The following SLC8A1 variants were observed in gnomAD, a reference collection of about 807,000 sequenced individuals.
SLC8A1 encodes sodium/calcium exchanger 1.
Under a neutral mutation model 68.3 loss-of-function variants are expected in SLC8A1, and 18 were observed. That is an observed-to-expected ratio of 0.26 (90% CI 0.18 to 0.39). The LOEUF (loss-of-function observed/expected upper bound fraction) is 0.39. SLC8A1 is among the 10% of genes least tolerant of loss of function. The pLI, the probability that SLC8A1 is intolerant of heterozygous loss-of-function variation, is 1.00. For synonymous variants in SLC8A1, 475 were observed against 415.5 expected (o/e 1.14, Z -1.74); for missense variants, 985 against 1,156.7 (o/e 0.85, Z 2.15).
At chr2:40,367,255 T>C (rs1676527507) in intron 2 of SLC8A1, among the ~76,000 whole-genome samples, 1 of 152,032 alleles carries the variant, frequency 6.6e-6, no homozygotes, top group Non-Finnish European at 1.5e-5. Context: ...ATTTGTCTCC[T>C]AGACATCAAA....
exon 8 of SLC8A1, chr2:40,115,300 T>G: frequency 6.2e-7 from 1 of 1,613,566 alleles, no homozygotes; most frequent in Non-Finnish European, 8.5e-7. Context: ...GAGAAGAAAA[T>G]GTACAAGAGC....
At chr2:40,380,621 C>A (rs913435029) in intron 2 of SLC8A1, among the ~76,000 whole-genome samples, 1 of 152,030 alleles carries the variant, frequency 6.6e-6, no homozygotes, top group African/African-American at 2.4e-5. Flanking sequence ...ACTTCAACAT[C>A]CTAAAGCAAA....
chr2:40,115,420 A>G, exon 8 of SLC8A1: 1 of 1,614,122 alleles, frequency 6.2e-7, no homozygotes, highest in Non-Finnish European at 8.5e-7. Flanking sequence ...ACATTGATGA[A>G]AGCAAAAATG....
At chr2:40,297,544 A>C (rs1002290554) in intron 2 of SLC8A1, among the ~76,000 whole-genome samples, 2 of 152,210 alleles carry the variant, frequency 1.3e-5, no homozygotes, top group African/African-American at 4.8e-5. Context: ...GTACATCAAT[A>C]CATCTTGAGA....
rs2052635408 is a variant in SLC8A1 at position 40,194,773 on chromosome 2, T to A, written c.1809-16918A>T. ...TATGTCATATCCTAGGGCCAGGGCC[T>A]AGGACCACACAATGGGATGAGACAG... On this transcript the variant is annotated intron_variant, in intron 2 of 7. Transcript: ENST00000406785. 2.0e-5 allele frequency among the ~76,000 whole-genome samples: 3 copies of A among 151,800 alleles called. No homozygotes were observed. In the South Asian group the frequency reaches 6.2e-4, roughly 32 times the overall value.
At chr2:40,491,900 A>G (rs1234419517) in intron 1 of SLC8A1, among the ~76,000 whole-genome samples, 5 of 152,114 alleles carry the variant, frequency 3.3e-5, no homozygotes, top group Admixed American at 6.6e-5. Flanking sequence ...AATCAATATC[A>G]TGAAAATGGC....
chr2:40,253,945 A>G (rs2063439561), intron 2 of SLC8A1, among the ~76,000 whole-genome samples: 1 of 143,202 alleles, frequency 7.0e-6, no homozygotes, highest in Non-Finnish European at 1.5e-5. Context: ...AATAAGTTCC[A>G]GTGTTTGATA....
intron 2 of SLC8A1, among the ~76,000 whole-genome samples, chr2:40,379,236 A>C (rs1178935541): frequency 6.6e-6 from 1 of 152,136 alleles, no homozygotes; most frequent in Admixed American, 6.6e-5. Context: ...GTGCTTAATC[A>C]TTTGAATCTC....
chr2:40,431,662 C>T (rs1172039140), intron 1 of SLC8A1, among the ~76,000 whole-genome samples: 2 of 152,138 alleles, frequency 1.3e-5, no homozygotes, highest in East Asian at 1.9e-4. Context: ...TCAGATAAAG[C>T]AGCAATAGGA....
intron 2 of SLC8A1, among the ~76,000 whole-genome samples, chr2:40,399,968 A>G (rs1333670139): frequency 6.6e-6 from 1 of 152,202 alleles, no homozygotes; most frequent in Non-Finnish European, 1.5e-5. Context: ...CGGTTATTTT[A>G]CCTATAGATT....
intron 1 of SLC8A1, among the ~76,000 whole-genome samples, chr2:40,475,256 C>T (rs1384228529): frequency 6.6e-6 from 1 of 152,132 alleles, no homozygotes; most frequent in Admixed American, 6.5e-5. Flanking sequence ...GCCTCAGCCT[C>T]CCACGTAGCT....
intron 2 of SLC8A1, among the ~76,000 whole-genome samples, chr2:40,305,191 T>C (rs2072333664): frequency 6.6e-6 from 1 of 152,176 alleles, no homozygotes; most frequent in Non-Finnish European, 1.5e-5. Context: ...TGCCACCACT[T>C]GGGAAGCCCC....
chr2:40,387,095 A>C (rs759157019), intron 2 of SLC8A1, among the ~76,000 whole-genome samples: 7 of 151,528 alleles, frequency 4.6e-5, no homozygotes, highest in Non-Finnish European at 1.0e-4. Context: ...ATTGGAAACA[A>C]GTATGTTCCA....
chr2:40,138,399 G>A (rs1469942656), intron 7 of SLC8A1, among the ~76,000 whole-genome samples: 1 of 152,220 alleles, frequency 6.6e-6, no homozygotes, highest in Non-Finnish European at 1.5e-5. Context: ...CATTAGCACA[G>A]CTGTATTTGC....
In SLC8A1 at chr2:40,404,264, C is replaced by T. The variant is rs116641947; in HGVS notation, c.1808+24209G>A. On this transcript the variant is annotated intron_variant, in intron 2 of 7. Coordinates refer to ENST00000406785, the Ensembl canonical transcript of SLC8A1. ...AAGAAAGGCTTCTTTGTACACAAAT[C>T]TGACAACATATCTTTTTTTCTTTAG... is the stretch of plus-strand genomic sequence containing the variant. 2.4e-3 allele frequency among the ~76,000 whole-genome samples: 359 copies of T among 152,282 alleles called. 1 individual carries two copies. The highest frequency in any genetic ancestry group is 4.1e-3 in the Non-Finnish European group (279 of 68,018).
intron 2 of SLC8A1, among the ~76,000 whole-genome samples, chr2:40,368,562 T>A (rs1158215928): frequency 6.6e-6 from 1 of 152,102 alleles, no homozygotes; most frequent in East Asian, 1.9e-4. Flanking sequence ...CTTCCTCTTA[T>A]TAAAATTGAT....
Position 40,450,479 on chromosome 2 carries a change from G to A in SLC8A1, c.-25+1425C>T, listed in dbSNP as rs190866066. Among the ~76,000 whole-genome samples the A allele has an allele frequency of 4.8e-4, 73 of 152,166 alleles. 1 individual carries two copies. In the East Asian group the frequency reaches 0.012, roughly 26 times the overall value. On this transcript the variant is annotated intron_variant, in intron 1 of 7. Transcript: ENST00000406785. ...AATCTTCGCACAAGTCTCAGATTGT[G>A]CATGTTCAACTGCTCATATCTGGAG...
At chr2:40,382,832 T>C (rs1188357113) in intron 2 of SLC8A1, among the ~76,000 whole-genome samples, 3 of 152,132 alleles carry the variant, frequency 2.0e-5, no homozygotes, top group Non-Finnish European at 4.4e-5. Flanking sequence ...TTTAAAATTA[T>C]TTAAAATTCC....
At chr2:40,267,301 C>A (rs968327797) in intron 2 of SLC8A1, among the ~76,000 whole-genome samples, 1 of 152,080 alleles carries the variant, frequency 6.6e-6, no homozygotes, top group African/African-American at 2.4e-5. Context: ...AACACAGGGA[C>A]CTGTGCTGGG....
Sources: gnomAD v4.1 joint callset for allele counts (sites outside exome capture counted in the v4.1 genomes callset) on GRCh38, gnomAD v4.1.1 for gene constraint, MANE v1.5 for transcripts, NCBI Gene and HGNC (gene_info 2026-07-23, HGNC 2026-07-21) for gene names.